Variants in EPHA3 observed in about 807,000 individuals in gnomAD.
EPHA3 encodes ephrin type-A receptor 3.
EPHA3 carries 42 observed loss-of-function variants against 107.1 expected under a neutral mutation model. The ratio of observed to expected loss-of-function variants is 0.39; its 90% confidence interval spans 0.31 to 0.51. EPHA3 has a LOEUF of 0.51. Ranked by LOEUF, EPHA3 falls within the 20% of genes least tolerant of loss-of-function variation. EPHA3 has a pLI of 0.78. For synonymous variants in EPHA3, 461 were observed against 424.8 expected (o/e 1.09, Z -1.05); for missense variants, 1,183 against 1,211.2 (o/e 0.98, Z 0.35).
At chr3:89,214,153 A>G (rs1248520037) in intron 3 of EPHA3, among the ~76,000 whole-genome samples, 2 of 151,980 alleles carry the variant, frequency 1.3e-5, no homozygotes, top group Non-Finnish European at 1.5e-5. Flanking sequence ...TAATTGTTCT[A>G]TTTAGCCAAA....
intron 5 of EPHA3, among the ~76,000 whole-genome samples, chr3:89,394,058 G>T (rs2107501953): frequency 6.6e-6 from 1 of 152,238 alleles, no homozygotes; most frequent in South Asian, 2.1e-4. Context: ...CAAAAAGTTG[G>T]TAAGAAAATG....
chr3:89,249,145 T>C (rs1301309334), intron 3 of EPHA3, among the ~76,000 whole-genome samples: 2 of 152,198 alleles, frequency 1.3e-5, no homozygotes, highest in African/African-American at 4.8e-5. Context: ...CTTCTTCATT[T>C]GCCTATTGCC....
intron 3 of EPHA3, among the ~76,000 whole-genome samples, chr3:89,249,103 C>A (rs1576263651): frequency 6.6e-6 from 1 of 152,152 alleles, no homozygotes; most frequent in African/African-American, 2.4e-5. Flanking sequence ...ACTAATGCCA[C>A]TTTTGGGTGG....
chr3:89,328,466 G>A (rs1255134568), intron 3 of EPHA3, among the ~76,000 whole-genome samples: 1 of 152,204 alleles, frequency 6.6e-6, no homozygotes, highest in Non-Finnish European at 1.5e-5. Context: ...ACTGGAAAGA[G>A]ATAAGGTAAT....
At position 89,407,275 on chromosome 3, in the gene EPHA3, C is replaced by G; in HGVS notation, c.1601C>G (p.Ser534Cys). Reference protein sequence around the residue: ...FEFETSPDSFSISGESSQVVM... With the variant: ...FEFETSPDSFCISGESSQVVM... ...TTTCTCTTCAACCTCACAGCTTTCT[C>G]CATCTCTGGTGAAAGTAGCCAAGTG... The change falls in exon 8 of 17, where the codon TCC (serine) becomes TGC (cysteine). Residue 534 changes from serine (S) to cysteine (C), a missense_variant. Ser to Cys is a moderately radical substitution (Grantham distance 112). Transcript: ENST00000336596. 6.2e-7 allele frequency: 1 copy of G among 1,613,104 alleles called. No individual in the cohort carries two copies. Among genetic ancestry groups the G allele is most frequent in the Non-Finnish European group, 8.5e-7 (1 of 1,179,286 alleles).
At chr3:89,420,070 T>G (rs1160948745) in intron 11 of EPHA3, among the ~76,000 whole-genome samples, 2 of 151,402 alleles carry the variant, frequency 1.3e-5, no homozygotes, top group Non-Finnish European at 1.5e-5. Context: ...ATCTGTGATT[T>G]TTGGCTCCAA....
intron 3 of EPHA3, among the ~76,000 whole-genome samples, chr3:89,229,736 C>T (rs918644200): frequency 6.6e-5 from 10 of 151,386 alleles, no homozygotes; most frequent in African/African-American, 2.2e-4. Context: ...AATATAAATC[C>T]TTAGCATAAT....
chr3:89,455,414 T>C (rs1710077668), intron 15 of EPHA3, among the ~76,000 whole-genome samples: 1 of 152,222 alleles, frequency 6.6e-6, no homozygotes, highest in South Asian at 2.1e-4. Context: ...GAGAATAATA[T>C]GACTGAAGGG....
At chr3:89,193,179 A>G (rs1286818899) in intron 2 of EPHA3, among the ~76,000 whole-genome samples, 1 of 152,016 alleles carries the variant, frequency 6.6e-6, no homozygotes, top group Non-Finnish European at 1.5e-5. Context: ...AAAATATGAA[A>G]TCATTTGAGA....
At chr3:89,301,616 A>G (rs1706491102) in intron 3 of EPHA3, among the ~76,000 whole-genome samples, 1 of 152,172 alleles carries the variant, frequency 6.6e-6, no homozygotes, top group Non-Finnish European at 1.5e-5. Flanking sequence ...AATTTTAGTT[A>G]TCTAAATCTT....
chr3:89,459,277 C>A (rs1300438124), intron 15 of EPHA3, among the ~76,000 whole-genome samples: 2 of 151,994 alleles, frequency 1.3e-5, no homozygotes, highest in African/African-American at 2.4e-5. Context: ...TTGTGAGAGA[C>A]CTAATTATAA....
At chr3:89,147,867 T>A (rs1704600869) in intron 2 of EPHA3, among the ~76,000 whole-genome samples, 1 of 152,002 alleles carries the variant, frequency 6.6e-6, no homozygotes, top group Non-Finnish European at 1.5e-5. Flanking sequence ...ATCAGTCAGT[T>A]CTTTGACAGT....
In EPHA3 at chr3:89,284,918, G is replaced by C. The variant is rs188476088; in HGVS notation, c.815-55998G>C. Among the ~76,000 whole-genome samples, 645 of 152,236 alleles carry C rather than the reference G, an allele frequency of 4.2e-3. 4 individuals are homozygous for C. Among genetic ancestry groups the C allele is most frequent in the African/African-American group, 0.014 (583 of 41,542 alleles). On this transcript the variant is annotated intron_variant, in intron 3 of 16. Transcript: ENST00000336596. Reference sequence around the variant, plus strand: ...GAGGAGGGTGGATCACTTGAGGTCAGGAGTTTGAAACCAGCCTGGCCAACA... The same window carrying C: ...GAGGAGGGTGGATCACTTGAGGTCACGAGTTTGAAACCAGCCTGGCCAACA...
intron 3 of EPHA3, among the ~76,000 whole-genome samples, chr3:89,299,117 CTT>C (rs1706426806): frequency 6.6e-6 from 1 of 151,930 alleles, no homozygotes; most frequent in African/African-American, 2.4e-5. Flanking sequence ...TTAAGTTTGT[CTT>C]TTTATATAAA....
At chr3:89,474,927 G>A (rs943633627) in intron 16 of EPHA3, among the ~76,000 whole-genome samples, 17 of 152,104 alleles carry the variant, frequency 1.1e-4, no homozygotes, top group African/African-American at 4.1e-4. Context: ...CTGAAAGACA[G>A]CTTTTTCAGG....
intron 13 of EPHA3, among the ~76,000 whole-genome samples, chr3:89,436,881 C>T (rs1261679749): frequency 6.6e-6 from 1 of 152,162 alleles, no homozygotes; most frequent in Non-Finnish European, 1.5e-5. Flanking sequence ...TTCTCTTTTA[C>T]ATAAGGATAT....
At chr3:89,127,108 T>C in intron 1 of EPHA3, 101 bp from the exon 2 acceptor site, 1 of 879,922 alleles carries the variant, frequency 1.1e-6, no homozygotes. Flanking sequence ...AAGAGTTATG[T>C]TTTTTGAGCA....
intron 2 of EPHA3, among the ~76,000 whole-genome samples, chr3:89,187,338 A>C (rs1330361478): frequency 6.7e-6 from 1 of 148,546 alleles, no homozygotes; most frequent in East Asian, 1.9e-4. Flanking sequence ...ATTAATAAAT[A>C]TTAATAAATA....
At chr3:89,143,271 A>C (rs1307346796) in intron 2 of EPHA3, among the ~76,000 whole-genome samples, 1 of 151,514 alleles carries the variant, frequency 6.6e-6, no homozygotes, top group Non-Finnish European at 1.5e-5. Flanking sequence ...CAATAATTCA[A>C]ATTAAATAGA....
Sources: gnomAD v4.1 joint callset for allele counts (sites outside exome capture counted in the v4.1 genomes callset) on GRCh38, gnomAD v4.1.1 for gene constraint, MANE v1.5 for transcripts, NCBI Gene and HGNC (gene_info 2026-07-23, HGNC 2026-07-21) for gene names.